The following SLC36A2 variants were observed in gnomAD, a reference collection of about 807,000 sequenced individuals.
The protein encoded by SLC36A2 is solute carrier family 36 member 2, also known as proton-coupled amino acid transporter 2.
Under a neutral mutation model 42.7 loss-of-function variants are expected in SLC36A2, and 39 were observed. The ratio of observed to expected loss-of-function variants is 0.91; its 90% confidence interval spans 0.71 to 1.19. SLC36A2 has a LOEUF of 1.19. Among genes scored for constraint, SLC36A2 ranks in the 50% most tolerant of loss-of-function variants. The pLI, the probability that SLC36A2 is intolerant of heterozygous loss-of-function variation, is 0.00. For missense variants in SLC36A2, 590 were observed against 613.7 expected, an observed-to-expected ratio of 0.96 and a Z score of 0.41; for synonymous variants, 237 against 240.8, an observed-to-expected ratio of 0.98 and a Z score of 0.15.
At chr5:151,317,186 T>C in intron 9 of SLC36A2, 98 bp from the exon 10 acceptor site, 1 of 1,480,638 alleles carries the variant, frequency 6.8e-7, no homozygotes. Context: ...GCACAGTGGC[T>C]CACACTTGTA....
intron 1 of SLC36A2, among the ~76,000 whole-genome samples, chr5:151,346,741 C>A (rs1018892560): frequency 6.6e-6 from 1 of 152,088 alleles, no homozygotes; most frequent in Non-Finnish European, 1.5e-5. Flanking sequence ...TTGTGAATAA[C>A]CCCCACTCCC....
chr5:151,343,834 G>T (rs545279231), intron 2 of SLC36A2, among the ~76,000 whole-genome samples: 16 of 152,282 alleles, frequency 1.1e-4, no homozygotes, highest in South Asian at 2.1e-4. Flanking sequence ...GGAGTAGGGG[G>T]ACAGAGAATC....
At chr5:151,328,514 G>A (rs534735207) in intron 7 of SLC36A2, among the ~76,000 whole-genome samples, 7 of 152,318 alleles carry the variant, frequency 4.6e-5, no homozygotes, top group South Asian at 4.2e-4. Context: ...GATGAAGAGC[G>A]TGGAGAGAAT....
rs60543336 is a variant in SLC36A2, at chr5:151,323,949, G to A, written c.1010+1337C>T. On this transcript the variant is annotated intron_variant, in intron 8 of 9. Coordinates refer to ENST00000335244, the MANE Select transcript of SLC36A2 (RefSeq NM_181776.3). ...GGTCTCCAAGGGACTGTGACTGTCCGCTTGAGAAGACCGAAATGTCCTGTA... is the reference window on the plus strand; with the variant it reads ...GGTCTCCAAGGGACTGTGACTGTCCACTTGAGAAGACCGAAATGTCCTGTA... Among the ~76,000 whole-genome samples, 324 of 152,302 alleles carry A rather than the reference G, an allele frequency of 2.1e-3. 3 individuals are homozygous for A. Among genetic ancestry groups the A allele is most frequent in the African/African-American group, 7.3e-3 (304 of 41,566 alleles).
At chr5:151,323,001 C>T (rs191338499) in intron 8 of SLC36A2, among the ~76,000 whole-genome samples, 241 of 152,138 alleles carry the variant, frequency 1.6e-3, no homozygotes, top group African/African-American at 5.6e-3. Flanking sequence ...TTTGGGAGGC[C>T]GAGGGCGGTG....
In SLC36A2 at chr5:151,317,899, GAGA is replaced by G. The variant is rs1185649375; in HGVS notation, c.1181-814_1181-812del. Among the ~76,000 whole-genome samples the G allele has an allele frequency of 5.3e-5, 8 of 152,302 alleles. No individual in the cohort carries two copies. In the East Asian group the frequency reaches 5.8e-4, roughly 11 times the overall value. ...GTGTATATATAAGCTCCAGAGCCTT[GAGA>G]AGAATTGGCTTCCAGAACAGCCAAA... On this transcript the variant is annotated intron_variant, in intron 9 of 9. Transcript: ENST00000335244.
At position 151,325,379 on chromosome 5, in the gene SLC36A2, A is replaced by T; in HGVS notation, c.917T>A (p.Val306Asp). The change falls in exon 8 of 10, where the codon GTC becomes GAC. Residue 306 changes from valine to aspartate, a missense_variant. By Grantham distance (152) the Val-to-Asp change is radical. Coordinates refer to ENST00000335244, the MANE Select transcript of SLC36A2 (RefSeq NM_181776.3). ...PAILSLGMSIVTSLYIGMAAL... is the reference protein window; with the variant it reads ...PAILSLGMSIDTSLYIGMAAL... ...CGCCATGCCAATGTATAGGGAAGTG[A>T]CGATGGACATTCCCAAAGACAGGAT... The T allele has an allele frequency of 6.2e-7, 1 of 1,614,198 alleles. No homozygotes were observed. Among genetic ancestry groups the T allele is most frequent in the Non-Finnish European group, 8.5e-7 (1 of 1,180,036 alleles).
chr5:151,343,525 TG>T lies in SLC36A2; in HGVS notation c.328del (p.Gln110SerfsTer18). 6.2e-7 allele frequency: 1 copy of T among 1,614,176 alleles called. No individual in the cohort carries two copies. On this transcript the variant is annotated frameshift_variant, in exon 3 of 10. Transcript: ENST00000335244. LOFTEE classifies it high-confidence loss of function. ...HCMHILVKCA[Q>X]RFCKRLNKPF... ...TTTTCCTCACCTCTTACAGAAGCGC[TG>T]GGCACACTTGACCAGGATGTGCATA...
At position 151,347,315 on chromosome 5, in the gene SLC36A2, T is replaced by C; in HGVS notation, c.146A>G (p.Lys49Arg). ...DESPSESAGL[K>R]KTKGITVFQA... is the part of the protein sequence containing the mutation. ...CACTCACGTTATGCCCTTGGTCTTC[T>C]TCAAGCCTGCTGACTCTGAAGGACT... Residue 49 changes from lysine to arginine, a missense_variant, in exon 1 of 10, where the codon AAG becomes AGG. Physicochemically the swap from Lys to Arg is conservative, Grantham distance 26. Coordinates refer to ENST00000335244, the MANE Select transcript of SLC36A2 (RefSeq NM_181776.3). The C allele has an allele frequency of 6.2e-7, 1 of 1,613,832 alleles. No individual in the cohort carries two copies. Among genetic ancestry groups the C allele is most frequent in the Non-Finnish European group, 8.5e-7 (1 of 1,179,654 alleles).
intron 7 of SLC36A2, chr5:151,332,421 A>G: frequency 4.4e-6 from 2 of 456,046 alleles, no homozygotes; most frequent in Non-Finnish European, 8.8e-6. Context: ...CTGTACACAA[A>G]TGCTTACGGC....
Position 151,332,966 on chromosome 5 carries a change from C to T in SLC36A2, c.843+258G>A, listed in dbSNP as rs569056292. On this transcript the variant is annotated intron_variant, in intron 7 of 9. Coordinates refer to ENST00000335244, the MANE Select transcript of SLC36A2 (RefSeq NM_181776.3). Reference sequence around the variant, plus strand: ...TTTTAAAAGATTAGGAAACTCATGTCGATAGGAGGATAGATGTTTAATAGG... The same window carrying T: ...TTTTAAAAGATTAGGAAACTCATGTTGATAGGAGGATAGATGTTTAATAGG... Among the ~76,000 whole-genome samples the T allele has an allele frequency of 2.6e-5, 4 of 152,238 alleles. No homozygotes were observed. In the East Asian group the frequency reaches 7.7e-4, roughly 29 times the overall value.
intron 1 of SLC36A2, among the ~76,000 whole-genome samples, 184 bp downstream of exon 1, chr5:151,347,113 A>G (rs1349681815): frequency 3.3e-5 from 5 of 152,122 alleles, no homozygotes; most frequent in African/African-American, 4.8e-5. Context: ...CTATGTCCCT[A>G]AGGGCTTTTC....
chr5:151,317,424 C>G (rs1580839983), intron 9 of SLC36A2, among the ~76,000 whole-genome samples: 1 of 149,618 alleles, frequency 6.7e-6, no homozygotes, highest in South Asian at 2.1e-4. Flanking sequence ...TGCACTCCAG[C>G]CTGGGTGACA....
Position 151,343,367 on chromosome 5 carries a change from C to A in SLC36A2, c.344+143G>T, listed in dbSNP as rs908748069. On this transcript the variant is annotated intron_variant, in intron 3 of 9. Transcript: ENST00000335244. ...ATGCAGAAGAGCCTCACCTGAGCTC[C>A]CTGCCCCTGAATGCTCTTCACTCTT... is the stretch of plus-strand genomic sequence containing the variant. 5.9e-6 allele frequency: 5 copies of A among 853,724 alleles called. No homozygotes were observed. The Admixed American group carries it at 9.6e-5, about 16-fold the overall frequency. 52.9% of individuals were successfully genotyped at this position (853,724 alleles called of 1,614,324 possible). A position where few individuals can be genotyped will look rare whatever the true frequency, so the allele number is the denominator to read the frequency against.
chr5:151,319,261 T>G, intron 9 of SLC36A2: 1 of 337,598 alleles, frequency 3.0e-6, no homozygotes, highest in Non-Finnish European at 4.2e-6. Flanking sequence ...GATTGTTATC[T>G]TTATACTGTG....
intron 6 of SLC36A2, among the ~76,000 whole-genome samples, chr5:151,334,197 G>T (rs570604674): frequency 6.6e-6 from 1 of 152,284 alleles, no homozygotes; most frequent in African/African-American, 2.4e-5. Flanking sequence ...CAATTTTATA[G>T]AATTCATCAG....
intron 9 of SLC36A2, chr5:151,321,804 A>G (rs1755700235): frequency 2.2e-6 from 1 of 453,028 alleles, no homozygotes; most frequent in Admixed American, 3.1e-5. Context: ...TTGGTTCTTG[A>G]GTAGCTGGGA....
intron 5 of SLC36A2, among the ~76,000 whole-genome samples, chr5:151,336,383 C>T (rs1756155016): frequency 6.6e-6 from 1 of 152,062 alleles, no homozygotes; most frequent in African/African-American, 2.4e-5. Flanking sequence ...CCTGTTCTTC[C>T]CTCAGATCTG....
At position 151,341,129 on chromosome 5, in the gene SLC36A2, C is replaced by T. The variant is rs553786423; in HGVS notation, c.440+1759G>A. Among the ~76,000 whole-genome samples, 5 of 152,144 alleles carry T rather than the reference C, an allele frequency of 3.3e-5. No homozygotes were observed. The East Asian group carries it at 7.7e-4, about 23-fold the overall frequency. ...ACACATTAAATGCTGAGAGGAAGAA[C>T]CCATACTAAAGGAATTCCAGTTATA... On this transcript the variant is annotated intron_variant, in intron 4 of 9. Transcript: ENST00000335244.
Sources: gnomAD v4.1 joint callset for allele counts (sites outside exome capture counted in the v4.1 genomes callset) on GRCh38, gnomAD v4.1.1 for gene constraint, MANE v1.5 for transcripts, NCBI Gene and HGNC (gene_info 2026-07-23, HGNC 2026-07-21) for gene names.